Variants in SPAG16 observed in about 807,000 individuals in gnomAD.
SPAG16 encodes sperm-associated antigen 16 protein.
Under a neutral mutation model 80.4 loss-of-function variants are expected in SPAG16, and 86 were observed. The observed-to-expected ratio is 1.07, with a 90% CI of 0.90 to 1.28. The LOEUF (loss-of-function observed/expected upper bound fraction) is 1.28, where lower values mean the gene tolerates loss of function less well. SPAG16 is among the 50% of genes most tolerant of loss of function. The pLI is 0.00. For synonymous variants in SPAG16, 294 were observed against 265.9 expected (o/e 1.11, Z -1.03); for missense variants, 870 against 765.3 (o/e 1.14, Z -1.61).
chr2:214,188,553 C>A (rs2057553566), intron 15 of SPAG16, among the ~76,000 whole-genome samples: 1 of 152,026 alleles, frequency 6.6e-6, no homozygotes, highest in Admixed American at 6.6e-5. Flanking sequence ...ATTTCAAAAC[C>A]AAACATTCTT....
chr2:213,346,577 A>T (rs2065004602), intron 6 of SPAG16, among the ~76,000 whole-genome samples: 1 of 152,136 alleles, frequency 6.6e-6, no homozygotes, highest in Non-Finnish European at 1.5e-5. Flanking sequence ...ATTTATTGAG[A>T]GTTTTTAGCA....
intron 12 of SPAG16, among the ~76,000 whole-genome samples, chr2:213,998,124 G>A (rs4673801): frequency 0.057 from 8,663 of 152,140 alleles, 272 homozygotes; most frequent in South Asian, 0.11. Context: ...TAAAATCCAC[G>A]TAAATCTCAG....
intron 10 of SPAG16, among the ~76,000 whole-genome samples, chr2:213,813,560 GC>G (rs2072314806): frequency 6.6e-6 from 1 of 152,136 alleles, no homozygotes; most frequent in Non-Finnish European, 1.5e-5. Flanking sequence ...GCACTCCTGT[GC>G]CCTGGTCCAG....
chr2:214,159,372 C>T (rs979340796), intron 15 of SPAG16, among the ~76,000 whole-genome samples: 7 of 151,814 alleles, frequency 4.6e-5, no homozygotes, highest in African/African-American at 9.7e-5. Context: ...ACTGCATGAC[C>T]CAAAGTCAAG....
At position 214,013,026 on chromosome 2, in the gene SPAG16, TA is replaced by T. The variant is rs570415882; in HGVS notation, c.1401-919del. Among the ~76,000 whole-genome samples the T allele has an allele frequency of 2.9e-3, 436 of 152,220 alleles. 2 individuals carry two copies. Among genetic ancestry groups the T allele is most frequent in the Non-Finnish European group, 5.0e-3 (337 of 68,008 alleles). ...GTGACAGTGATACTGCTAGTCTGGGTAAAAAATTTTAAAAACCACTGGGTTT... is the reference window on the plus strand; with the variant it reads ...GTGACAGTGATACTGCTAGTCTGGGTAAAAATTTTAAAAACCACTGGGTTT... On this transcript the variant is annotated intron_variant, in intron 12 of 15. Coordinates refer to ENST00000331683, the MANE Select transcript of SPAG16 (RefSeq NM_024532.5).
chr2:214,263,687 T>A (rs1691344106), intron 15 of SPAG16, among the ~76,000 whole-genome samples: 1 of 152,194 alleles, frequency 6.6e-6, no homozygotes, highest in African/African-American at 2.4e-5. Flanking sequence ...AGCACTTGGC[T>A]GAAAGAAAGT....
chr2:213,342,763 C>A (rs1316334869), intron 6 of SPAG16, among the ~76,000 whole-genome samples: 7 of 151,736 alleles, frequency 4.6e-5, no homozygotes, highest in Admixed American at 4.6e-4. Flanking sequence ...AACTACATGA[C>A]TGGACAAAAT....
intron 10 of SPAG16, among the ~76,000 whole-genome samples, chr2:213,634,531 G>A (rs1486793532): frequency 6.6e-6 from 1 of 152,124 alleles, no homozygotes; most frequent in Non-Finnish European, 1.5e-5. Context: ...ATACATTCAT[G>A]TGATTATTTA....
At chr2:213,909,772 T>G (rs2077583245) in intron 11 of SPAG16, among the ~76,000 whole-genome samples, 1 of 152,216 alleles carries the variant, frequency 6.6e-6, no homozygotes, top group Non-Finnish European at 1.5e-5. Flanking sequence ...TCATTCTTGA[T>G]GTGGGCTTGT....
chr2:214,236,971 A>G (rs187647338), intron 15 of SPAG16, among the ~76,000 whole-genome samples: 2,511 of 152,298 alleles, frequency 0.016, 43 homozygotes, highest in African/African-American at 0.038. Context: ...CATTCTCCCC[A>G]GAGTGACATC....
chr2:214,384,367 C>A (rs1216652535), intron 15 of SPAG16, among the ~76,000 whole-genome samples: 2 of 152,122 alleles, frequency 1.3e-5, no homozygotes, highest in African/African-American at 2.4e-5. Context: ...TACAGATAAT[C>A]CTGTGAAACA....
intron 13 of SPAG16, among the ~76,000 whole-genome samples, chr2:214,063,608 A>G (rs2050388807): frequency 6.6e-6 from 1 of 152,102 alleles, no homozygotes; most frequent in South Asian, 2.1e-4. Context: ...CTCTAATACT[A>G]TCACATGAGC....
chr2:213,667,632 C>T (rs2063657243), intron 10 of SPAG16, among the ~76,000 whole-genome samples: 1 of 152,124 alleles, frequency 6.6e-6, no homozygotes. Context: ...TTAGCAAGGA[C>T]ATAGTTATTG....
intron 15 of SPAG16, among the ~76,000 whole-genome samples, chr2:214,298,157 TATACAC>T (rs1559192698): frequency 4.6e-5 from 6 of 131,300 alleles, no homozygotes; most frequent in Admixed American, 7.4e-5. Context: ...CACACACACA[TATACAC>T]ACACACACAC....
chr2:213,802,498 A>G (rs187095193), intron 10 of SPAG16, among the ~76,000 whole-genome samples: 136 of 152,146 alleles, frequency 8.9e-4, no homozygotes, highest in Admixed American at 3.0e-3. Flanking sequence ...ATAACCCAAT[A>G]ATTTTCTGAG....
chr2:213,935,173 G>A (rs2078935538), intron 12 of SPAG16, among the ~76,000 whole-genome samples: 1 of 139,556 alleles, frequency 7.2e-6, no homozygotes, highest in Non-Finnish European at 1.5e-5. Flanking sequence ...CTGCACTCCA[G>A]CCTGGGCAAC....
At position 213,644,986 on chromosome 2, in the gene SPAG16, C is replaced by T. The variant is rs146796649; in HGVS notation, c.1070+154896C>T. ...CCTGGGTGGTTCCAAAGGCACTGTC[C>T]AGGAGTCTGGGACTAGAGTCAAAAA... is the stretch of plus-strand genomic sequence containing the variant. On this transcript the variant is annotated intron_variant, in intron 10 of 15. Transcript: ENST00000331683. 9.5e-4 allele frequency among the ~76,000 whole-genome samples: 145 copies of T among 152,320 alleles called. 2 individuals carry two copies. The East Asian group carries it at 0.027, about 29-fold the overall frequency.
intron 13 of SPAG16, among the ~76,000 whole-genome samples, chr2:214,087,032 A>AT (rs147808762): frequency 0.22 from 33,330 of 151,928 alleles, 4,131 homozygotes; most frequent in Middle Eastern, 0.28. Context: ...CTTTCTTGTG[A>AT]TTTTTCATTC....
At chr2:213,906,312 G>A (rs1175038779) in intron 11 of SPAG16, among the ~76,000 whole-genome samples, 1 of 152,060 alleles carries the variant, frequency 6.6e-6, no homozygotes, top group Non-Finnish European at 1.5e-5. Flanking sequence ...AATAACCAAT[G>A]AGGTAAAAAA....
Sources: gnomAD v4.1 joint callset for allele counts (sites outside exome capture counted in the v4.1 genomes callset) on GRCh38, gnomAD v4.1.1 for gene constraint, MANE v1.5 for transcripts, NCBI Gene and HGNC (gene_info 2026-07-23, HGNC 2026-07-21) for gene names.